The following RNF128 variants were observed in gnomAD, a reference collection of about 807,000 sequenced individuals.
RNF128 encodes E3 ubiquitin-protein ligase RNF128.
A neutral mutation model predicts 26.2 loss-of-function variants in RNF128; 13 were observed. That is an observed-to-expected ratio of 0.50 (90% CI 0.32 to 0.79). RNF128 has a LOEUF of 0.79. Among genes scored for constraint, RNF128 ranks in the 30% least tolerant of loss-of-function variants. The pLI is 0.03. For missense variants in RNF128, 315 were observed against 349.7 expected (o/e 0.90, Z 0.79); for synonymous variants, 149 against 142.5 (o/e 1.05, Z -0.32).
intron 1 of RNF128, among the ~76,000 whole-genome samples, chrX:106,716,318 T>C (rs1929215853): frequency 8.9e-6 from 1 of 111,806 alleles, no homozygotes; most frequent in Non-Finnish European, 1.9e-5. Flanking sequence ...GAATCTCAAC[T>C]GCATTTTGCT....
Position 106,696,483 on chromosome X carries a change from C to A in RNF128, c.406+2075C>A, listed in dbSNP as rs17279512. ...AAAGACTGTCATTATTTTATGCCAA[C>A]ATTTTGTTTGTTGTTGCTGTCTTTT... On this transcript the variant is annotated intron_variant, in intron 1 of 6. Transcript: ENST00000324342. Among the ~76,000 whole-genome samples, 517 of 111,364 alleles carry A rather than the reference C, an allele frequency of 4.6e-3. 5 individuals are homozygous for A. The East Asian group carries it at 0.05, about 11-fold the overall frequency.
intron 1 of RNF128, among the ~76,000 whole-genome samples, chrX:106,767,075 A>G (rs1389553738): frequency 9.0e-6 from 1 of 111,316 alleles, no homozygotes; most frequent in African/African-American, 3.3e-5. Context: ...ATTGATCTAT[A>G]TCTCTGTTTT....
At chrX:106,769,546 G>GTTTTTTTTTTTTTTT (rs752900867) in intron 1 of RNF128, among the ~76,000 whole-genome samples, 1 of 65,113 alleles carries the variant, frequency 1.5e-5, no homozygotes, top group Admixed American at 2.3e-4. Context: ...CACCTGCTTT[G>GTTTTTTTTTTTTTTT]TTTTTTTTTT....
chrX:106,713,335 C>T (rs1006667039), intron 1 of RNF128, among the ~76,000 whole-genome samples: 2 of 108,829 alleles, frequency 1.8e-5, no homozygotes, highest in Non-Finnish European at 3.8e-5. Context: ...AGGGCGAAAC[C>T]CCGTCTCTAC....
At chrX:106,735,545 A>C (rs995539124) in intron 1 of RNF128, among the ~76,000 whole-genome samples, 1 of 111,770 alleles carries the variant, frequency 8.9e-6, no homozygotes, top group African/African-American at 3.2e-5. Flanking sequence ...TGACTTTCTT[A>C]TAATGAATGT....
intron 1 of RNF128, among the ~76,000 whole-genome samples, chrX:106,706,827 G>T (rs769741853): frequency 8.9e-6 from 1 of 112,262 alleles, no homozygotes; most frequent in Admixed American, 9.4e-5. Flanking sequence ...TTTGCACAAT[G>T]TCTATTCTAT....
chrX:106,714,895 T>C (rs754102545), intron 1 of RNF128, among the ~76,000 whole-genome samples: 6 of 112,184 alleles, frequency 5.3e-5, no homozygotes, highest in Non-Finnish European at 1.1e-4. Flanking sequence ...CCTTTCTTTC[T>C]ATTGCTAAGT....
chrX:106,735,073 G>A (rs1929569978), intron 1 of RNF128, among the ~76,000 whole-genome samples: 1 of 111,576 alleles, frequency 9.0e-6, no homozygotes, highest in South Asian at 3.8e-4. Flanking sequence ...TTTTTCAGCT[G>A]TGTGTATGTC....
Position 106,701,777 on chromosome X carries a change from C to T in RNF128, c.406+7369C>T, listed in dbSNP as rs747160559. On this transcript the variant is annotated intron_variant, in intron 1 of 6. Coordinates refer to the RNF128 transcript ENST00000324342. Reference sequence around the variant, plus strand: ...TATTTATTAAAAACAAGATGAAGTACCATGGTGAATAGTAAAGAATAATAA... The same window carrying T: ...TATTTATTAAAAACAAGATGAAGTATCATGGTGAATAGTAAAGAATAATAA... 9.9e-5 allele frequency among the ~76,000 whole-genome samples: 11 copies of T among 110,603 alleles called. No homozygotes were observed. The East Asian group carries it at 2.8e-3, about 28-fold the overall frequency.
intron 1 of RNF128, among the ~76,000 whole-genome samples, chrX:106,766,306 G>C (rs1214545457): frequency 8.9e-6 from 1 of 111,856 alleles, no homozygotes; most frequent in Non-Finnish European, 1.9e-5. Context: ...CTTCCACAAT[G>C]GTTGAACTAG....
At chrX:106,768,644 T>C (rs1265939238) in intron 1 of RNF128, among the ~76,000 whole-genome samples, 1 of 111,825 alleles carries the variant, frequency 8.9e-6, no homozygotes, top group African/African-American at 3.3e-5. Flanking sequence ...CTATCAATTT[T>C]GTTGATCTTT....
Position 106,726,868 on chromosome X carries a change from G to A in RNF128, c.-46G>A, listed in dbSNP as rs954440037. 21 of 1,130,159 alleles carry A rather than the reference G, an allele frequency of 1.9e-5. No homozygotes were observed. In the African/African-American group the frequency reaches 2.4e-4, roughly 13 times the overall value. 93.1% of individuals were successfully genotyped at this position (1,130,159 alleles called of 1,213,427 possible). A position where few individuals can be genotyped will look rare whatever the true frequency, so the allele number is the denominator to read the frequency against. On this transcript the variant is annotated 5_prime_UTR_variant, in exon 1 of 7. Transcript: ENST00000255499. The stretch of plus-strand genomic sequence containing the variant: ...AGACCAGGGTCCTGCCAAGCGCTAG[G>A]AGGGCGCGTGCCAGGGGCGCTAGGG...
chrX:106,723,569 A>AATAT (rs1166271253), upstream of RNF128, among the ~76,000 whole-genome samples: 1 of 108,074 alleles, frequency 9.3e-6, no homozygotes, highest in African/African-American at 3.4e-5. Flanking sequence ...CTCTGTCTAA[A>AATAT]ATATATATAT....
chrX:106,782,697 T>C (rs1162017517), intron 2 of RNF128, among the ~76,000 whole-genome samples: 1 of 111,937 alleles, frequency 8.9e-6, no homozygotes, highest in African/African-American at 3.2e-5. Context: ...ATAAAAAATA[T>C]ATTTTAAACT....
chrX:106,699,616 T>A (rs1043661016), intron 1 of RNF128, among the ~76,000 whole-genome samples: 1 of 112,189 alleles, frequency 8.9e-6, no homozygotes, highest in African/African-American at 3.2e-5. Context: ...GTCGATCACA[T>A]CACTCCTCTT....
chrX:106,789,229 C>G (rs961278227), intron 4 of RNF128, among the ~76,000 whole-genome samples: 1 of 93,968 alleles, frequency 1.1e-5, no homozygotes, highest in African/African-American at 3.8e-5. Flanking sequence ...TAAATTCCAA[C>G]TAAGGAGTGA....
chrX:106,725,046 A>G (rs1929371169), upstream of RNF128, among the ~76,000 whole-genome samples: 3 of 112,374 alleles, frequency 2.7e-5, no homozygotes, highest in South Asian at 7.4e-4. Flanking sequence ...TTGTTTCTTC[A>G]AAGTACAATA....
chrX:106,743,959 T>C (rs920874181), intron 1 of RNF128, among the ~76,000 whole-genome samples: 2 of 111,441 alleles, frequency 1.8e-5, no homozygotes. Context: ...TGTAGGGACA[T>C]GGATGAAGCT....
At chrX:106,700,077 A>C (rs1028118170) in intron 1 of RNF128, among the ~76,000 whole-genome samples, 2 of 105,966 alleles carry the variant, frequency 1.9e-5, no homozygotes, top group South Asian at 8.5e-4. Flanking sequence ...GCTGGAGTGC[A>C]GTGACACAAA....
Sources: allele counts gnomAD v4.1 joint callset (sites outside exome capture counted in the v4.1 genomes callset), GRCh38; gene constraint gnomAD v4.1.1; transcripts MANE v1.5; gene names NCBI Gene and HGNC (gene_info 2026-07-23, HGNC 2026-07-21).